SRBD1: variants seen among roughly 807,000 people sequenced by gnomAD.
The protein encoded by SRBD1 is S1 RNA-binding domain-containing protein 1.
Under a neutral mutation model 115.3 loss-of-function variants are expected in SRBD1, and 88 were observed. That is an observed-to-expected ratio of 0.76 (90% CI 0.64 to 0.91). The LOEUF (loss-of-function observed/expected upper bound fraction) is 0.91, where lower values mean the gene tolerates loss of function less well. Ranked by LOEUF, SRBD1 falls within the 40% of genes least tolerant of loss-of-function variation. The probability of loss-of-function intolerance (pLI) is 0.00; values close to 1 mark genes in which losing one functional copy is unlikely to be tolerated. For synonymous variants in SRBD1, 509 were observed against 407.7 expected (o/e 1.25, Z -2.99); for missense variants, 1,385 against 1,177.4 (o/e 1.18, Z -2.58).
chr2:45,416,805 A>T (rs895847183), intron 18 of SRBD1, among the ~76,000 whole-genome samples: 3 of 151,844 alleles, frequency 2.0e-5, no homozygotes, highest in Non-Finnish European at 4.4e-5. Flanking sequence ...GACAGATAGG[A>T]TCTTGTTCTG....
rs374158016 is a variant in SRBD1 at position 45,461,145 on chromosome 2, A to C, written c.2049+15848T>G. ...GGGAAGTGTTATGAAGGAATGACAC[A>C]ATTTTTAGAGTAAATGTAGGGATCT... On this transcript the variant is annotated intron_variant, in intron 16 of 20. Transcript: ENST00000263736. 4.1e-4 allele frequency among the ~76,000 whole-genome samples: 63 copies of C among 152,356 alleles called. No individual in the cohort carries two copies. In the South Asian group the frequency reaches 7.0e-3, roughly 17 times the overall value.
rs182471438 is a variant in SRBD1 at position 45,441,924 on chromosome 2, T to C, written c.2050-22030A>G. Among the ~76,000 whole-genome samples, 197 of 152,310 alleles carry C rather than the reference T, an allele frequency of 1.3e-3. 1 individual carries two copies. The highest frequency in any genetic ancestry group is 0.01 in the Middle Eastern group (3 of 294). ...CCAAGCTGCCAAATTCTCATGCCAA[T>C]ACTTTCTGGGTAGGTTTTTAGGTCA... On this transcript the variant is annotated intron_variant, in intron 16 of 20. Coordinates refer to ENST00000263736, the MANE Select transcript of SRBD1 (RefSeq NM_018079.5).
intron 14 of SRBD1, among the ~76,000 whole-genome samples, chr2:45,509,118 A>G (rs1479160931): frequency 6.6e-5 from 10 of 152,184 alleles, no homozygotes; most frequent in Admixed American, 6.5e-4. Flanking sequence ...TTCTGAAGCA[A>G]CATAACTAAT....
At chr2:45,507,501 C>T (rs1401021807) in intron 14 of SRBD1, among the ~76,000 whole-genome samples, 4 of 151,860 alleles carry the variant, frequency 2.6e-5, no homozygotes, top group African/African-American at 9.7e-5. Context: ...GTGTGGATCA[C>T]CTGAGGTCCG....
At chr2:45,503,320 G>A (rs1490094777) in intron 14 of SRBD1, among the ~76,000 whole-genome samples, 4 of 152,264 alleles carry the variant, frequency 2.6e-5, no homozygotes, top group South Asian at 4.2e-4. Flanking sequence ...AAGACTGGAT[G>A]GAGTGTTCAT....
chr2:45,521,572 G>A (rs949069975), intron 14 of SRBD1, among the ~76,000 whole-genome samples: 2 of 152,014 alleles, frequency 1.3e-5, no homozygotes, highest in African/African-American at 4.8e-5. Flanking sequence ...AAATGGTGCA[G>A]CCATTATGAT....
At chr2:45,434,490 A>G (rs1373306278) in intron 16 of SRBD1, among the ~76,000 whole-genome samples, 1 of 152,158 alleles carries the variant, frequency 6.6e-6, no homozygotes, top group Non-Finnish European at 1.5e-5. Context: ...TTTTTTGCAG[A>G]GAAATAAAGT....
chr2:45,540,957 C>G (rs1205097880), intron 14 of SRBD1, among the ~76,000 whole-genome samples: 1 of 152,236 alleles, frequency 6.6e-6, no homozygotes, highest in Non-Finnish European at 1.5e-5. Context: ...AGCCAGACAC[C>G]TCTGTGGCCA....
intron 16 of SRBD1, among the ~76,000 whole-genome samples, chr2:45,421,045 T>C (rs1376348268): frequency 2.0e-5 from 3 of 152,220 alleles, no homozygotes; most frequent in Non-Finnish European, 4.4e-5. Flanking sequence ...AAATGGTTTA[T>C]TATTCAATGG....
At chr2:45,509,813 T>G (rs561679336) in intron 14 of SRBD1, among the ~76,000 whole-genome samples, 1 of 152,262 alleles carries the variant, frequency 6.6e-6, no homozygotes, top group Admixed American at 6.5e-5. Flanking sequence ...CAGCTCACTA[T>G]AGCCTTGTAT....
At chr2:45,610,857 G>A (rs1210967616) in intron 1 of SRBD1, among the ~76,000 whole-genome samples, 2 of 152,042 alleles carry the variant, frequency 1.3e-5, no homozygotes, top group Admixed American at 1.3e-4. Context: ...GAATCCGGGA[G>A]GCGGAGCTTG....
At chr2:45,509,697 C>T (rs17039189) in intron 14 of SRBD1, among the ~76,000 whole-genome samples, 208 of 152,020 alleles carry the variant, frequency 1.4e-3, no homozygotes, top group African/African-American at 4.5e-3. Flanking sequence ...ATCTACTCCC[C>T]AGGCTTAGAA....
intron 18 of SRBD1, 36 bp from the exon 19 acceptor site, chr2:45,413,329 G>T: frequency 6.3e-7 from 1 of 1,583,682 alleles, no homozygotes; most frequent in South Asian, 1.2e-5. Flanking sequence ...TTTATGAAAA[G>T]GGGAAGGTTG....
At chr2:45,488,400 G>A (rs1670186168) in intron 14 of SRBD1, 69 bp from the exon 15 acceptor site, 1 of 1,375,710 alleles carries the variant, frequency 7.3e-7, no homozygotes, top group Non-Finnish European at 1.0e-6. Flanking sequence ...ATAAATGAAT[G>A]AAACCAGGCA....
intron 15 of SRBD1, 126 bp from the exon 16 acceptor site, chr2:45,477,201 G>A: frequency 1.5e-6 from 1 of 671,450 alleles, no homozygotes; most frequent in East Asian, 2.9e-5. Context: ...CTCTAAAAAA[G>A]GCCAACAATT....
chr2:45,415,360 T>C (rs1191212700), intron 18 of SRBD1, among the ~76,000 whole-genome samples: 12 of 80,138 alleles, frequency 1.5e-4, no homozygotes, highest in South Asian at 5.5e-4. Context: ...AGTGTGTATA[T>C]AGTATGTATA....
chr2:45,602,104 TA>T, intron 2 of SRBD1, 21 bp from the exon 3 acceptor site: 1 of 1,581,252 alleles, frequency 6.3e-7, no homozygotes, highest in East Asian at 2.2e-5. Context: ...ATCAACAGAA[TA>T]ATCTCCAGGA....
At chr2:45,402,866 C>G (rs1166419071) in intron 19 of SRBD1, among the ~76,000 whole-genome samples, 2 of 152,116 alleles carry the variant, frequency 1.3e-5, no homozygotes, top group Non-Finnish European at 2.9e-5. Flanking sequence ...AAGAGGAAAT[C>G]GGATACCTGC....
chr2:45,478,389 A>G (rs1572684560), intron 15 of SRBD1, among the ~76,000 whole-genome samples: 1 of 152,228 alleles, frequency 6.6e-6, no homozygotes, highest in East Asian at 1.9e-4. Context: ...AGTTCAACAC[A>G]TGATCATTCA....
Sources: allele counts gnomAD v4.1 joint callset (sites outside exome capture counted in the v4.1 genomes callset), GRCh38; gene constraint gnomAD v4.1.1; transcripts MANE v1.5; gene names NCBI Gene and HGNC (gene_info 2026-07-23, HGNC 2026-07-21).